Variants in RBFOX1 observed in about 807,000 individuals in gnomAD.
The protein encoded by RBFOX1 is RNA binding fox-1 homolog 1.
In RBFOX1, 8 loss-of-function variants were observed where a neutral mutation model predicts 57.7. The observed-to-expected ratio is 0.14, with a 90% CI of 0.08 to 0.25. The LOEUF is 0.25. Among genes scored for constraint, RBFOX1 ranks in the 10% least tolerant of loss-of-function variants. The pLI is 1.00. For missense variants in RBFOX1, 611 were observed against 548.5 expected (o/e 1.11, Z -1.14); for synonymous variants, 326 against 222.4 (o/e 1.47, Z -4.15).
At chr16:6,349,689 G>A (rs2085958838) in intron 2 of RBFOX1, among the ~76,000 whole-genome samples, 1 of 152,120 alleles carries the variant, frequency 6.6e-6, no homozygotes, top group Non-Finnish European at 1.5e-5. Flanking sequence ...ATTAACAATG[G>A]GAGCTAAATA....
intron 3 of RBFOX1, among the ~76,000 whole-genome samples, chr16:6,944,994 G>A (rs1025943429): frequency 6.6e-6 from 1 of 152,060 alleles, no homozygotes; most frequent in Non-Finnish European, 1.5e-5. Flanking sequence ...GGGTGAAAAG[G>A]GTCGTGACTT....
intron 3 of RBFOX1, among the ~76,000 whole-genome samples, chr16:6,800,066 C>T (rs1317158151): frequency 1.3e-5 from 2 of 152,164 alleles, no homozygotes; most frequent in Admixed American, 6.5e-5. Context: ...TGGGCATTGT[C>T]ATGGTGTCAG....
intron 1 of RBFOX1, among the ~76,000 whole-genome samples, chr16:6,107,834 C>G (rs984087449): frequency 6.6e-6 from 1 of 152,034 alleles, no homozygotes; most frequent in Non-Finnish European, 1.5e-5. Context: ...TTACTTTGAG[C>G]ACTGAGAAGG....
chr16:7,566,192 A>T (rs954661105), intron 5 of RBFOX1, among the ~76,000 whole-genome samples: 1 of 152,178 alleles, frequency 6.6e-6, no homozygotes, highest in African/African-American at 2.4e-5. Context: ...AAAACCTGTC[A>T]GTGAGGGCTT....
chr16:7,141,929 C>G (rs1343349869), intron 4 of RBFOX1, among the ~76,000 whole-genome samples: 1 of 152,142 alleles, frequency 6.6e-6, no homozygotes, highest in Non-Finnish European at 1.5e-5. Context: ...GTCCCCTTCC[C>G]CCTTAAGATG....
At chr16:7,434,487 T>TAA (rs2098706848) in intron 4 of RBFOX1, among the ~76,000 whole-genome samples, 1 of 150,192 alleles carries the variant, frequency 6.7e-6, no homozygotes, top group African/African-American at 2.5e-5. Flanking sequence ...AATAAATAAA[T>TAA]AAATAAAAAT....
intron 3 of RBFOX1, among the ~76,000 whole-genome samples, chr16:6,904,818 G>C (rs1009606827): frequency 1.3e-5 from 2 of 152,052 alleles, no homozygotes; most frequent in African/African-American, 2.4e-5. Context: ...TGAAGTCAAA[G>C]TGGCTGATTT....
downstream of RBFOX1, among the ~76,000 whole-genome samples, chr16:5,600,908 A>G (rs2047344847): frequency 6.6e-6 from 1 of 152,090 alleles, no homozygotes; most frequent in Non-Finnish European, 1.5e-5. Flanking sequence ...TGCTGTTTTT[A>G]TCCTCATTTT....
intron 2 of RBFOX1, among the ~76,000 whole-genome samples, chr16:6,417,381 A>G (rs2152982984): frequency 6.8e-6 from 1 of 146,786 alleles, no homozygotes; most frequent in East Asian, 2.0e-4. Flanking sequence ...ATCAAATAAG[A>G]GTTTCAGTTA....
At chr16:6,879,925 A>T (rs1047988852) in intron 3 of RBFOX1, among the ~76,000 whole-genome samples, 1 of 152,148 alleles carries the variant, frequency 6.6e-6, no homozygotes, top group Non-Finnish European at 1.5e-5. Flanking sequence ...TATTATTTAA[A>T]TTTTCATTGC....
intron 2 of RBFOX1, among the ~76,000 whole-genome samples, chr16:6,534,085 G>A (rs981270417): frequency 6.6e-6 from 1 of 152,054 alleles, no homozygotes; most frequent in Admixed American, 6.6e-5. Flanking sequence ...TGCACATAAG[G>A]CTTCTTCAGA....
At chr16:5,753,133 A>G (rs1057220540) in intron 3 of RBFOX1, among the ~76,000 whole-genome samples, 5 of 152,002 alleles carry the variant, frequency 3.3e-5, no homozygotes, top group East Asian at 3.9e-4. Context: ...GCACTCCAGC[A>G]TGGGCAGCAG....
At chr16:5,354,967 C>T (rs1006139666) in intron 1 of RBFOX1, among the ~76,000 whole-genome samples, 21 of 151,560 alleles carry the variant, frequency 1.4e-4, no homozygotes, top group African/African-American at 4.6e-4. Context: ...GGTTTGTGAT[C>T]AGCAGAGGTT....
At chr16:7,245,645 A>G (rs554467684) in intron 4 of RBFOX1, among the ~76,000 whole-genome samples, 51 of 152,360 alleles carry the variant, frequency 3.3e-4, no homozygotes, top group African/African-American at 1.2e-3. Context: ...ATGCTGATAA[A>G]CAAGCTTACT....
At chr16:7,418,231 A>C (rs2098503658) in intron 4 of RBFOX1, among the ~76,000 whole-genome samples, 2 of 152,310 alleles carry the variant, frequency 1.3e-5, no homozygotes, top group Middle Eastern at 3.4e-3. Flanking sequence ...CTGGTTAAAA[A>C]GTTATTGCAG....
At chr16:6,941,284 CTCCTTCCCTCCCTCCCTCCT>C (rs2078423527) in intron 3 of RBFOX1, among the ~76,000 whole-genome samples, 1 of 101,306 alleles carries the variant, frequency 9.9e-6, no homozygotes, top group African/African-American at 4.2e-5. Context: ...CCTCCCTTCC[CTCCTTCCCTCCCTCCCTCCT>C]TCCTTCCTTC....
rs563173183 is a variant in RBFOX1, at chr16:5,674,483, A to T, written c.318+75522A>T. On this transcript the variant is annotated intron_variant, in intron 3 of 19. Transcript: ENST00000641259. Reference sequence around the variant, plus strand: ...AGTCTCACGTTTGACTCCAGAATCTATGGGACTCTTCTCTCACATATCAGA... The same window carrying T: ...AGTCTCACGTTTGACTCCAGAATCTTTGGGACTCTTCTCTCACATATCAGA... Among the ~76,000 whole-genome samples, 3 of 152,264 alleles carry T rather than the reference A, an allele frequency of 2.0e-5. No homozygotes were observed. The East Asian group carries it at 5.8e-4, about 29-fold the overall frequency.
rs563412197 is a variant in RBFOX1, at chr16:5,439,884, T to A, written c.220-27332T>A. Reference sequence around the variant, plus strand: ...TAGGGTTAGGGCATGAGATTAAAATTGAGTGGTTTAGAATTTGTAAGATCT... The same window carrying A: ...TAGGGTTAGGGCATGAGATTAAAATAGAGTGGTTTAGAATTTGTAAGATCT... On this transcript the variant is annotated intron_variant, in intron 1 of 2. Transcript: ENST00000585867. 3.3e-5 allele frequency among the ~76,000 whole-genome samples: 5 copies of A among 152,244 alleles called. No individual in the cohort carries two copies. In the South Asian group the frequency reaches 1.0e-3, roughly 32 times the overall value.
At chr16:6,193,308 A>G (rs139518269) in intron 1 of RBFOX1, among the ~76,000 whole-genome samples, 3,202 of 145,564 alleles carry the variant, frequency 0.022, 52 homozygotes, top group Non-Finnish European at 0.036. Context: ...GTGGGAGTTA[A>G]GAAATTTGAC....
Sources: allele counts gnomAD v4.1 joint callset (sites outside exome capture counted in the v4.1 genomes callset), GRCh38; gene constraint gnomAD v4.1.1; transcripts MANE v1.5; gene names NCBI Gene and HGNC (gene_info 2026-07-23, HGNC 2026-07-21).